The following NRXN1 variants were observed in gnomAD, a reference collection of about 807,000 sequenced individuals.
NRXN1 encodes neurexin 1, also known as neurexin-1.
A neutral mutation model predicts 150.9 loss-of-function variants in NRXN1; 39 were observed. The ratio of observed to expected loss-of-function variants is 0.26; its 90% CI spans 0.20 to 0.34. The LOEUF is 0.34. NRXN1 is among the 10% of genes least tolerant of loss of function. The pLI is 1.00. For missense variants in NRXN1, 1,815 were observed against 1,949.9 expected, an observed-to-expected ratio of 0.93 and a Z score of 1.30; for synonymous variants, 924 against 757.0, an observed-to-expected ratio of 1.22 and a Z score of -3.62.
chr2:50,580,553 C>T (rs1672109236), intron 8 of NRXN1, among the ~76,000 whole-genome samples: 1 of 152,140 alleles, frequency 6.6e-6, no homozygotes, highest in Non-Finnish European at 1.5e-5. Flanking sequence ...ACACTTCTGA[C>T]TCACCTAGTT....
At chr2:50,039,758 G>T (rs920803803) in intron 21 of NRXN1, among the ~76,000 whole-genome samples, 1 of 152,072 alleles carries the variant, frequency 6.6e-6, no homozygotes, top group Admixed American at 6.5e-5. Context: ...TATAATAAAG[G>T]CAAGAGATTC....
chr2:51,029,535 A>ATTTC (rs1413563452), intron 1 of NRXN1, among the ~76,000 whole-genome samples: 4 of 152,196 alleles, frequency 2.6e-5, no homozygotes, highest in Non-Finnish European at 5.9e-5. Context: ...GCTTTTAAGG[A>ATTTC]TTTCTACCTA....
chr2:50,670,478 A>G (rs994320456), intron 5 of NRXN1, among the ~76,000 whole-genome samples: 2 of 152,088 alleles, frequency 1.3e-5, no homozygotes, highest in African/African-American at 4.8e-5. Context: ...GTTAGTACAG[A>G]CAGTTACCAT....
chr2:50,880,198 G>C (rs1382217551), intron 5 of NRXN1, among the ~76,000 whole-genome samples: 1 of 151,882 alleles, frequency 6.6e-6, no homozygotes, highest in Non-Finnish European at 1.5e-5. Context: ...AAAAAGATCA[G>C]AATTAGAATG....
intron 17 of NRXN1, among the ~76,000 whole-genome samples, chr2:50,382,449 G>C (rs915179464): frequency 6.6e-6 from 1 of 152,126 alleles, no homozygotes; most frequent in African/African-American, 2.4e-5. Context: ...GGACGTCAGA[G>C]GGAATATTTA....
intron 19 of NRXN1, among the ~76,000 whole-genome samples, chr2:50,070,000 G>A (rs1034217725): frequency 5.9e-5 from 9 of 151,786 alleles, no homozygotes; most frequent in East Asian, 2.0e-4. Context: ...ACAGGCACCC[G>A]CCACCACACC....
intron 17 of NRXN1, among the ~76,000 whole-genome samples, chr2:50,352,181 A>T (rs1385833589): frequency 6.6e-6 from 1 of 152,154 alleles, no homozygotes; most frequent in East Asian, 1.9e-4. Context: ...TTAAGAAATG[A>T]GACATGGATT....
chr2:50,246,348 A>C (rs2066501975), intron 17 of NRXN1, among the ~76,000 whole-genome samples: 1 of 152,054 alleles, frequency 6.6e-6, no homozygotes, highest in Non-Finnish European at 1.5e-5. Flanking sequence ...AATGGAATTA[A>C]ATCCTTAATA....
intron 5 of NRXN1, among the ~76,000 whole-genome samples, chr2:50,673,945 T>C (rs1420125963): frequency 6.6e-6 from 1 of 151,992 alleles, no homozygotes; most frequent in Non-Finnish European, 1.5e-5. Flanking sequence ...CACCCGCCTG[T>C]CAGGGGGTGG....
intron 17 of NRXN1, among the ~76,000 whole-genome samples, chr2:50,419,867 T>C (rs2083836697): frequency 6.6e-6 from 1 of 152,112 alleles, no homozygotes; most frequent in South Asian, 2.1e-4. Flanking sequence ...ACCTCAGTTT[T>C]ACTTGGTACC....
chr2:50,781,557 C>T (rs1434234300), intron 5 of NRXN1, among the ~76,000 whole-genome samples: 4 of 152,186 alleles, frequency 2.6e-5, no homozygotes, highest in African/African-American at 9.6e-5. Flanking sequence ...CTTAGCCTTA[C>T]CTGTGAAACC....
intron 5 of NRXN1, among the ~76,000 whole-genome samples, chr2:50,764,680 G>A (rs369268866): frequency 1.1e-4 from 16 of 151,904 alleles, no homozygotes; most frequent in East Asian, 5.8e-4. Flanking sequence ...TAGAGCACAC[G>A]TGCACAGACA....
At chr2:50,672,881 C>T (rs936695195) in intron 5 of NRXN1, among the ~76,000 whole-genome samples, 1 of 151,960 alleles carries the variant, frequency 6.6e-6, no homozygotes, top group East Asian at 1.9e-4. Context: ...TTGTGTGCAC[C>T]ACTATGCATT....
intron 18 of NRXN1, among the ~76,000 whole-genome samples, chr2:50,203,979 G>A (rs1392712580): frequency 2.6e-5 from 4 of 152,026 alleles, no homozygotes; most frequent in African/African-American, 9.7e-5. Context: ...CCAATACTGT[G>A]TAAATATTTC....
chr2:50,391,890 G>C (rs947038244), intron 17 of NRXN1, among the ~76,000 whole-genome samples: 5 of 152,094 alleles, frequency 3.3e-5, no homozygotes, highest in African/African-American at 1.2e-4. Flanking sequence ...TACATACAGA[G>C]GGACCACTTC....
At chr2:50,840,792 A>T (rs1045006902) in intron 5 of NRXN1, among the ~76,000 whole-genome samples, 1 of 152,134 alleles carries the variant, frequency 6.6e-6, no homozygotes, top group African/African-American at 2.4e-5. Context: ...AGTAAATCTT[A>T]AGAGAGGACT....
At chr2:50,993,028 G>A (rs756795360) in intron 2 of NRXN1, among the ~76,000 whole-genome samples, 2 of 151,822 alleles carry the variant, frequency 1.3e-5, no homozygotes, top group Non-Finnish European at 2.9e-5. Context: ...GTGAAATAAC[G>A]TATGCAAGAA....
chr2:50,598,731 T>A (rs1313008030), intron 8 of NRXN1, among the ~76,000 whole-genome samples: 2 of 147,562 alleles, frequency 1.4e-5, no homozygotes, highest in African/African-American at 4.9e-5. Flanking sequence ...TATACACATA[T>A]ATATGTATAT....
chr2:50,575,774 A>G (rs1671355843), intron 8 of NRXN1, among the ~76,000 whole-genome samples: 1 of 152,178 alleles, frequency 6.6e-6, no homozygotes, highest in African/African-American at 2.4e-5. Flanking sequence ...AAAGTGTTCA[A>G]TAAATGTTTA....
Sources: gnomAD v4.1 joint callset for allele counts (sites outside exome capture counted in the v4.1 genomes callset) on GRCh38, gnomAD v4.1.1 for gene constraint, MANE v1.5 for transcripts, NCBI Gene and HGNC (gene_info 2026-07-23, HGNC 2026-07-21) for gene names.